CTCFL: variants seen among roughly 807,000 people sequenced by gnomAD.
The protein encoded by CTCFL is CCCTC-binding factor like, also known as transcriptional repressor CTCFL.
CTCFL carries 36 observed loss-of-function variants against 67.4 expected under a neutral mutation model. The ratio of observed to expected loss-of-function variants is 0.53; its 90% CI spans 0.41 to 0.71. The LOEUF is 0.71. CTCFL is among the 30% of genes least tolerant of loss of function. The pLI, the probability that CTCFL is intolerant of heterozygous loss-of-function variation, is 0.00. For missense variants in CTCFL, 786 were observed against 835.2 expected, an observed-to-expected ratio of 0.94 and a Z score of 0.73; for synonymous variants, 324 against 302.3, an observed-to-expected ratio of 1.07 and a Z score of -0.75.
At chr20:57,506,309 TTTTG>T (rs752593113) in intron 9 of CTCFL, among the ~76,000 whole-genome samples, 13 of 150,034 alleles carry the variant, frequency 8.7e-5, no homozygotes, top group African/African-American at 2.9e-4. Context: ...AACTGTTTTG[TTTTG>T]TTTTTTTCCT....
At chr20:57,514,982 A>G (rs1271719197) in intron 6 of CTCFL, 3 of 534,006 alleles carry the variant, frequency 5.6e-6, no homozygotes, top group Non-Finnish European at 1.0e-5. Context: ...GCAAGAGTTC[A>G]AGGTGGTTCA....
chr20:57,509,266 T>A (rs371506826), intron 8 of CTCFL, among the ~76,000 whole-genome samples: 8 of 151,242 alleles, frequency 5.3e-5, no homozygotes, highest in African/African-American at 1.9e-4. Context: ...AATAGTATCG[T>A]AACAGATCTT....
At chr20:57,514,797 C>T in intron 6 of CTCFL, 56 bp from the exon 7 acceptor site, 1 of 1,547,774 alleles carries the variant, frequency 6.5e-7, no homozygotes, top group Non-Finnish European at 8.7e-7. Context: ...TGCCAAAGGC[C>T]ACCTGTGCTG....
intron 9 of CTCFL, chr20:57,506,905 G>A (rs1163724590): frequency 1.0e-6 from 1 of 985,134 alleles, no homozygotes; most frequent in East Asian, 1.1e-4. Flanking sequence ...AACTAATAGG[G>A]TTGACATTCC....
intron 3 of CTCFL, among the ~76,000 whole-genome samples, chr20:57,521,943 T>G (rs2146452159): frequency 6.6e-6 from 1 of 152,350 alleles, no homozygotes; most frequent in South Asian, 2.1e-4. Context: ...AGGAAGTGAC[T>G]GCCTAATCGG....
intron 7 of CTCFL, chr20:57,513,433 C>CA (rs1314088039): frequency 3.5e-5 from 35 of 989,068 alleles, no homozygotes; most frequent in African/African-American, 7.0e-5. Context: ...CACAGTGACT[C>CA]AGACATTTAG....
intron 6 of CTCFL, 114 bp downstream of exon 6, chr20:57,515,600 C>CA (rs758087624): frequency 2.9e-6 from 4 of 1,385,022 alleles, no homozygotes; most frequent in Non-Finnish European, 4.1e-6. Context: ...TGAAGGCACG[C>CA]AAAAATCCAC....
intron 7 of CTCFL, chr20:57,513,812 TCA>T: frequency 7.8e-7 from 1 of 1,286,838 alleles, no homozygotes; most frequent in South Asian, 1.2e-5. Context: ...TTTTTGTGTA[TCA>T]CAGTGTCATA....
chr20:57,521,890 A>C (rs1008192131), intron 3 of CTCFL, among the ~76,000 whole-genome samples: 1 of 152,228 alleles, frequency 6.6e-6, no homozygotes, highest in African/African-American at 2.4e-5. Context: ...CTACGGAAAC[A>C]AAAAGTAAAT....
rs544452849 is a variant in CTCFL at position 57,504,272 on chromosome 20, G to A, written c.1675-671C>T. ...ATTACAGGCATGAGCCACTGCACCC[G>A]CCCCCCGTCTCCTTTTTTTTTTTTG... On this transcript the variant is annotated intron_variant, in intron 9 of 10. Coordinates refer to ENST00000243914, the MANE Select transcript of CTCFL (RefSeq NM_001386993.1). Among the ~76,000 whole-genome samples the A allele has an allele frequency of 7.6e-5, 11 of 144,180 alleles. 1 individual carries two copies. The highest frequency in any genetic ancestry group is 4.4e-4 in the South Asian group (2 of 4,542). The allele number at this position is 144,180 out of a possible 152,430, so 94.6% of individuals were successfully genotyped here. A position where few individuals can be genotyped will look rare whatever the true frequency, so the allele number is the denominator to read the frequency against.
Position 57,497,992 on chromosome 20 carries a change from A to T in CTCFL, c.*558T>A. 2 of 916,018 alleles carry T rather than the reference A, an allele frequency of 2.2e-6. No homozygotes were observed. The highest frequency in any genetic ancestry group is 2.6e-6 in the Non-Finnish European group (2 of 766,848). The allele number at this position is 916,018 out of a possible 1,614,324, so 56.7% of individuals were successfully genotyped here. ...ACATTTTTTGGTTGAATTTAGAACT[A>T]ATTAAAAGCATTATGGTAGCTTTAA... On this transcript the variant is annotated 3_prime_UTR_variant, in exon 11 of 11. Coordinates refer to ENST00000243914, the MANE Select transcript of CTCFL (RefSeq NM_001386993.1).
intron 9 of CTCFL, chr20:57,507,892 C>T (rs1419780151): frequency 1.4e-6 from 1 of 702,696 alleles, no homozygotes; most frequent in Non-Finnish European, 2.6e-6. Context: ...AGAATAAAAC[C>T]ATAAATGTAT....
At chr20:57,506,570 G>T (rs1319793488) in intron 9 of CTCFL, among the ~76,000 whole-genome samples, 1 of 152,182 alleles carries the variant, frequency 6.6e-6, no homozygotes, top group African/African-American at 2.4e-5. Flanking sequence ...CCAAAGTGCT[G>T]GGATTACAGG....
intron 9 of CTCFL, chr20:57,506,986 A>C: frequency 2.0e-6 from 2 of 984,736 alleles, no homozygotes; most frequent in Non-Finnish European, 2.4e-6. Flanking sequence ...ATTTTTAAAA[A>C]AATAGTCAAC....
chr20:57,506,907 T>A, intron 9 of CTCFL: 1 of 985,394 alleles, frequency 1.0e-6, no homozygotes, highest in Non-Finnish European at 1.2e-6. Context: ...CTAATAGGGT[T>A]GACATTCCAG....
At chr20:57,499,870 A>T in intron 10 of CTCFL, 1 of 696,236 alleles carries the variant, frequency 1.4e-6, no homozygotes, top group Non-Finnish European at 1.8e-6. Flanking sequence ...AGCGGCTGTC[A>T]ATACAAAGCT....
At chr20:57,507,043 G>C in intron 9 of CTCFL, 1 of 986,190 alleles carries the variant, frequency 1.0e-6, no homozygotes, top group Non-Finnish European at 1.2e-6. Flanking sequence ...TTAGGCTGAA[G>C]CCTACATGGT....
At chr20:57,510,712 A>C (rs1249190349) in intron 8 of CTCFL, among the ~76,000 whole-genome samples, 1 of 152,140 alleles carries the variant, frequency 6.6e-6, no homozygotes, top group Admixed American at 6.5e-5. Flanking sequence ...AAATACAAAA[A>C]ATAAGCCAGG....
chr20:57,518,647 A>G (rs929641612), intron 5 of CTCFL, 111 bp downstream of exon 5: 32 of 1,584,094 alleles, frequency 2.0e-5, no homozygotes, highest in Non-Finnish European at 2.7e-5. Flanking sequence ...TTTTATATGA[A>G]TAATAAAAAG....
Sources: allele counts gnomAD v4.1 joint callset (sites outside exome capture counted in the v4.1 genomes callset), GRCh38; gene constraint gnomAD v4.1.1; transcripts MANE v1.5; gene names NCBI Gene and HGNC (gene_info 2026-07-23, HGNC 2026-07-21).